KHDRBS2: variants seen among roughly 807,000 people sequenced by gnomAD.
KHDRBS2 encodes KH RNA binding domain containing, signal transduction associated 2.
In KHDRBS2, 26 loss-of-function variants were observed where a neutral mutation model predicts 44.3. The ratio of observed to expected loss-of-function variants is 0.59; its 90% CI spans 0.43 to 0.81. KHDRBS2 has a LOEUF of 0.81. Ranked by LOEUF, KHDRBS2 falls within the 40% of genes least tolerant of loss-of-function variation. The pLI is 0.00. For missense variants in KHDRBS2, 476 were observed against 433.1 expected, an observed-to-expected ratio of 1.10 and a Z score of -0.88; for synonymous variants, 194 against 151.1, an observed-to-expected ratio of 1.28 and a Z score of -2.08.
At chr6:61,769,646 T>C (rs1338625094) in intron 6 of KHDRBS2, among the ~76,000 whole-genome samples, 1 of 152,178 alleles carries the variant, frequency 6.6e-6, no homozygotes, top group Non-Finnish European at 1.5e-5. Flanking sequence ...GCGCCCGCCA[T>C]TGCCGAGTTA....
intron 4 of KHDRBS2, among the ~76,000 whole-genome samples, chr6:61,965,565 G>A (rs1166475130): frequency 6.6e-6 from 1 of 151,962 alleles, no homozygotes; most frequent in African/African-American, 2.4e-5. Flanking sequence ...TTGGTTGAGG[G>A]TCAGGTAGTG....
chr6:61,655,953 GC>G, the KHDRBS2 span, among the ~76,000 whole-genome samples: 3 of 152,130 alleles, frequency 2.0e-5, no homozygotes, highest in East Asian at 5.8e-4. Flanking sequence ...GGAAGTTTGG[GC>G]CCCATCTGTG....
At chr6:62,069,682 T>G (rs1794537233) in intron 2 of KHDRBS2, among the ~76,000 whole-genome samples, 1 of 151,910 alleles carries the variant, frequency 6.6e-6, no homozygotes, top group Middle Eastern at 3.4e-3. Context: ...ATATGTAAAA[T>G]GGATGCCTTC....
chr6:61,956,129 G>T (rs1332815611), intron 4 of KHDRBS2, among the ~76,000 whole-genome samples: 1 of 152,030 alleles, frequency 6.6e-6, no homozygotes, highest in Non-Finnish European at 1.5e-5. Context: ...GGGAGGCACA[G>T]GCTGCAGTGA....
intron 6 of KHDRBS2, among the ~76,000 whole-genome samples, chr6:61,870,829 C>G (rs572354326): frequency 6.6e-6 from 1 of 152,066 alleles, no homozygotes; most frequent in Non-Finnish European, 1.5e-5. Flanking sequence ...AATAGCACAT[C>G]CACTCAGAGA....
At chr6:61,693,713 C>G (rs905611694) in intron 8 of KHDRBS2, among the ~76,000 whole-genome samples, 5 of 151,952 alleles carry the variant, frequency 3.3e-5, no homozygotes, top group African/African-American at 1.2e-4. Context: ...GGTAATTTGG[C>G]CCAGAATGAA....
At chr6:61,808,612 T>C (rs1787563250) in intron 6 of KHDRBS2, among the ~76,000 whole-genome samples, 2 of 152,078 alleles carry the variant, frequency 1.3e-5, no homozygotes, top group African/African-American at 4.8e-5. Context: ...GTGTGCTCAT[T>C]AAGGATAAAA....
chr6:61,614,268 A>G, the KHDRBS2 span, among the ~76,000 whole-genome samples: 4 of 152,160 alleles, frequency 2.6e-5, no homozygotes, highest in Non-Finnish European at 4.4e-5. Flanking sequence ...ATGGGTGGGA[A>G]TCAGAGAGGT....
At chr6:62,243,917 G>A (rs771166418) in intron 1 of KHDRBS2, among the ~76,000 whole-genome samples, 1 of 152,052 alleles carries the variant, frequency 6.6e-6, no homozygotes, top group Non-Finnish European at 1.5e-5. Context: ...TATACACAGT[G>A]TACTAAAAAT....
intron 2 of KHDRBS2, among the ~76,000 whole-genome samples, chr6:62,067,570 A>G (rs1007271522): frequency 3.3e-5 from 5 of 151,612 alleles, no homozygotes; most frequent in African/African-American, 1.2e-4. Flanking sequence ...TATTTTAAAC[A>G]TATTTATTGA....
At chr6:62,108,339 G>A (rs926467662) in intron 2 of KHDRBS2, among the ~76,000 whole-genome samples, 41 of 152,138 alleles carry the variant, frequency 2.7e-4, no homozygotes, top group Non-Finnish European at 2.9e-5. Flanking sequence ...AAAAACACAT[G>A]AAAAAATGCT....
chr6:62,197,711 T>G (rs911687691), intron 1 of KHDRBS2, among the ~76,000 whole-genome samples: 15 of 152,144 alleles, frequency 9.9e-5, no homozygotes, highest in Non-Finnish European at 2.1e-4. Flanking sequence ...ATCCAGGAAC[T>G]GAACTCAGCT....
At chr6:61,719,685 A>G (rs1469505390) in intron 7 of KHDRBS2, among the ~76,000 whole-genome samples, 1 of 152,078 alleles carries the variant, frequency 6.6e-6, no homozygotes. Context: ...GAAAAAGATG[A>G]TGGTCAGAGA....
At chr6:61,943,988 T>G (rs1262601512) in intron 4 of KHDRBS2, among the ~76,000 whole-genome samples, 1 of 152,112 alleles carries the variant, frequency 6.6e-6, no homozygotes, top group Non-Finnish European at 1.5e-5. Context: ...ATAGCTATTA[T>G]GAAAAAGACA....
chr6:62,122,110 C>A (rs1461944576), intron 2 of KHDRBS2, among the ~76,000 whole-genome samples: 1 of 152,114 alleles, frequency 6.6e-6, no homozygotes, highest in Non-Finnish European at 1.5e-5. Flanking sequence ...GGCTCTGCAA[C>A]AGGTCTAGAC....
intron 3 of KHDRBS2, among the ~76,000 whole-genome samples, chr6:62,033,052 G>C (rs183287407): frequency 6.6e-6 from 1 of 151,924 alleles, no homozygotes; most frequent in South Asian, 2.1e-4. Flanking sequence ...GAATTCTGGA[G>C]TTGAAAAATG....
At chr6:62,119,085 G>T (rs1211985545) in intron 2 of KHDRBS2, among the ~76,000 whole-genome samples, 3 of 152,250 alleles carry the variant, frequency 2.0e-5, no homozygotes, top group African/African-American at 7.2e-5. Flanking sequence ...TTCAAAGATA[G>T]ATTTCTTTAG....
intron 6 of KHDRBS2, among the ~76,000 whole-genome samples, chr6:61,803,040 T>C (rs543402931): frequency 5.9e-5 from 9 of 152,340 alleles, no homozygotes; most frequent in African/African-American, 2.2e-4. Flanking sequence ...CCTAAGCATT[T>C]TGACAACCAC....
the KHDRBS2 span, among the ~76,000 whole-genome samples, chr6:61,665,521 T>C: frequency 6.6e-6 from 1 of 151,276 alleles, no homozygotes; most frequent in Non-Finnish European, 1.5e-5. Flanking sequence ...ACTGGCTTAA[T>C]GTAGAAAAAA....
Sources: gnomAD v4.1 joint callset for allele counts (sites outside exome capture counted in the v4.1 genomes callset) on GRCh38, gnomAD v4.1.1 for gene constraint, MANE v1.5 for transcripts, NCBI Gene and HGNC (gene_info 2026-07-23, HGNC 2026-07-21) for gene names.